MAGI2: variants seen among roughly 807,000 people sequenced by gnomAD.
MAGI2 encodes the protein membrane associated guanylate kinase, WW and PDZ domain containing 2, also known as membrane-associated guanylate kinase, WW and PDZ domain-containing protein 2.
MAGI2 carries 35 observed loss-of-function variants against 133.3 expected under a neutral mutation model. The observed-to-expected ratio is 0.26, with a 90% CI of 0.20 to 0.35. The LOEUF (loss-of-function observed/expected upper bound fraction) is 0.35. MAGI2 is among the 10% of genes least tolerant of loss of function. The probability of loss-of-function intolerance (pLI) is 1.00; values close to 1 mark genes in which losing one functional copy is unlikely to be tolerated. For synonymous variants in MAGI2, 729 were observed against 710.6 expected, an observed-to-expected ratio of 1.03 and a Z score of -0.41; for missense variants, 1,636 against 1,863.4, an observed-to-expected ratio of 0.88 and a Z score of 2.25.
At chr7:79,381,452 C>T (rs1843773765) in intron 1 of MAGI2, among the ~76,000 whole-genome samples, 1 of 151,690 alleles carries the variant, frequency 6.6e-6, no homozygotes, top group African/African-American at 2.4e-5. Context: ...TATATAGAGA[C>T]ATTTCTAGTT....
chr7:78,127,386 A>T lies in MAGI2; in HGVS notation c.3234T>A (p.Asp1078Glu). 1 of 1,606,132 alleles carries T rather than the reference A, an allele frequency of 6.2e-7. No homozygotes were observed. Among genetic ancestry groups the T allele is most frequent in the South Asian group, 1.1e-5 (1 of 91,050 alleles). ...SYRSEVKARQDVKPDIRQPPF... is the reference protein window; with the variant it reads ...SYRSEVKARQEVKPDIRQPPF... ...GAGGCTGTCGGATGTCTGGTTTCAC[A>T]TCTTGCCTTGCTTTCACTTCCGACC... Residue 1078 changes from aspartate to glutamate, a missense_variant, in exon 19 of 22, where the codon GAT becomes GAA. Transcript: ENST00000354212.
intron 9 of MAGI2, among the ~76,000 whole-genome samples, chr7:78,281,693 TC>T (rs1360615686): frequency 7.6e-6 from 1 of 130,994 alleles, no homozygotes; most frequent in Non-Finnish European, 1.7e-5. Flanking sequence ...TGATATTAAT[TC>T]ATTTGTGAAC....
At chr7:78,376,111 C>T (rs953249974) in intron 6 of MAGI2, among the ~76,000 whole-genome samples, 1 of 151,966 alleles carries the variant, frequency 6.6e-6, no homozygotes, top group Non-Finnish European at 1.5e-5. Context: ...ACCTCATGTA[C>T]AGGTAAAGCT....
intron 1 of MAGI2, among the ~76,000 whole-genome samples, chr7:79,300,332 A>T (rs998474247): frequency 6.6e-6 from 1 of 152,190 alleles, no homozygotes; most frequent in Admixed American, 6.5e-5. Context: ...CTCAGATTGA[A>T]ATGAGAAATC....
chr7:78,149,721 C>G (rs1370711641), intron 16 of MAGI2, among the ~76,000 whole-genome samples: 1 of 152,184 alleles, frequency 6.6e-6, no homozygotes, highest in African/African-American at 2.4e-5. Context: ...GAAGACCCTC[C>G]TCTCATGATG....
chr7:78,596,441 T>C (rs1222121183), intron 3 of MAGI2, among the ~76,000 whole-genome samples: 1 of 152,088 alleles, frequency 6.6e-6, no homozygotes, highest in Admixed American at 6.6e-5. Context: ...GAAAAAAACA[T>C]GCAAAATATA....
intron 2 of MAGI2, among the ~76,000 whole-genome samples, chr7:78,920,121 T>C (rs1279364900): frequency 6.6e-6 from 1 of 152,112 alleles, no homozygotes; most frequent in Non-Finnish European, 1.5e-5. Context: ...ATCATAAAGA[T>C]GAGTCCCAAT....
At chr7:79,238,003 G>A (rs1056431830) in intron 1 of MAGI2, among the ~76,000 whole-genome samples, 5 of 152,136 alleles carry the variant, frequency 3.3e-5, no homozygotes, top group South Asian at 2.1e-4. Context: ...TAATATGCAT[G>A]AATTTCCAGG....
intron 1 of MAGI2, among the ~76,000 whole-genome samples, chr7:79,194,123 C>T (rs921839387): frequency 6.6e-6 from 1 of 151,832 alleles, no homozygotes; most frequent in Non-Finnish European, 1.5e-5. Flanking sequence ...TTCTTACTGA[C>T]AAGATAGGCC....
intron 2 of MAGI2, among the ~76,000 whole-genome samples, chr7:78,666,160 C>T (rs1813557713): frequency 6.6e-6 from 1 of 152,106 alleles, no homozygotes; most frequent in African/African-American, 2.4e-5. Flanking sequence ...TTTATAGCTT[C>T]CCATTATGTT....
chr7:78,674,357 A>G (rs1040016540), intron 2 of MAGI2, among the ~76,000 whole-genome samples: 2 of 152,134 alleles, frequency 1.3e-5, no homozygotes, highest in African/African-American at 2.4e-5. Context: ...GGAATTTCAA[A>G]TAATGAACAG....
chr7:79,367,858 C>CATACATATATATATATATATATATATAT (rs1842806114), intron 1 of MAGI2, among the ~76,000 whole-genome samples: 4 of 87,110 alleles, frequency 4.6e-5, no homozygotes, highest in African/African-American at 1.4e-4. Context: ...ATATATGTGA[C>CATACATATATATATATATATATATATAT]ATATATATAT....
intron 1 of MAGI2, among the ~76,000 whole-genome samples, chr7:79,260,024 T>A (rs751500545): frequency 6.6e-6 from 1 of 152,242 alleles, no homozygotes. Flanking sequence ...ACAATACAAA[T>A]GTATTTAAAC....
chr7:79,027,582 A>G (rs1174941047), intron 1 of MAGI2, among the ~76,000 whole-genome samples: 1 of 152,044 alleles, frequency 6.6e-6, no homozygotes, highest in Non-Finnish European at 1.5e-5. Flanking sequence ...TCTCCGTGAA[A>G]TAGAAATTTT....
chr7:78,838,662 A>G (rs1791867359), intron 2 of MAGI2, among the ~76,000 whole-genome samples: 1 of 151,944 alleles, frequency 6.6e-6, no homozygotes, highest in Non-Finnish European at 1.5e-5. Flanking sequence ...ACTGTTCATG[A>G]ACACCTCAAA....
At chr7:78,467,555 A>T (rs886098341) in intron 6 of MAGI2, among the ~76,000 whole-genome samples, 10 of 151,858 alleles carry the variant, frequency 6.6e-5, no homozygotes, top group African/African-American at 2.4e-4. Flanking sequence ...CTTAGAGGGT[A>T]TTATTGGCAG....
intron 5 of MAGI2, among the ~76,000 whole-genome samples, chr7:78,500,334 T>C (rs1041207642): frequency 1.3e-5 from 2 of 152,224 alleles, no homozygotes; most frequent in Admixed American, 6.5e-5. Flanking sequence ...GTTTTCATAT[T>C]TTTATCCACT....
chr7:79,043,713 A>C (rs1584774262), intron 1 of MAGI2, among the ~76,000 whole-genome samples: 1 of 152,100 alleles, frequency 6.6e-6, no homozygotes, highest in East Asian at 1.9e-4. Flanking sequence ...TAAAGAAGAC[A>C]TTTACCACTG....
intron 3 of MAGI2, among the ~76,000 whole-genome samples, chr7:78,543,562 G>A (rs954176904): frequency 2.0e-5 from 3 of 152,150 alleles, no homozygotes; most frequent in Admixed American, 2.0e-4. Context: ...TCTCTCCATA[G>A]AAAAGGGCAA....
Sources: gnomAD v4.1 joint callset for allele counts (sites outside exome capture counted in the v4.1 genomes callset) on GRCh38, gnomAD v4.1.1 for gene constraint, MANE v1.5 for transcripts, NCBI Gene and HGNC (gene_info 2026-07-23, HGNC 2026-07-21) for gene names.